The following C4orf50 variants were observed in gnomAD, a reference collection of about 807,000 sequenced individuals.
The protein encoded by C4orf50 is chromosome 4 open reading frame 50, also known as uncharacterized protein C4orf50.
In C4orf50, 80 loss-of-function variants were observed where a neutral mutation model predicts 77.2. The ratio of observed to expected loss-of-function variants is 1.04; its 90% CI spans 0.87 to 1.25. The LOEUF (loss-of-function observed/expected upper bound fraction) is 1.25, where lower values mean the gene tolerates loss of function less well. C4orf50 is among the 50% of genes most tolerant of loss of function. C4orf50 has a pLI of 0.00. For synonymous variants in C4orf50, 532 were observed against 465.3 expected (o/e 1.14, Z -1.84); for missense variants, 1,257 against 1,152.9 (o/e 1.09, Z -1.31).
chr4:5,969,507 AG>A (rs1434672219), intron 31 of C4orf50, among the ~76,000 whole-genome samples: 2 of 151,436 alleles, frequency 1.3e-5, no homozygotes, highest in Non-Finnish European at 2.9e-5. Flanking sequence ...CTTCCTTACT[AG>A]GTCACCTACC....
At chr4:6,004,405 GAGATGTTGGTGA>G (rs1722136821) in intron 25 of C4orf50, among the ~76,000 whole-genome samples, 1 of 44,858 alleles carries the variant, frequency 2.2e-5, no homozygotes, top group African/African-American at 6.8e-5. Flanking sequence ...GATGGTGATG[GAGATGTTGGTGA>G]TGATGGTGAT....
chr4:6,018,279 T>C lies in C4orf50; in HGVS notation c.153A>G (p.Glu51=). The change falls in exon 23 of 34, where the codon GAA becomes GAG. Residue 51 remains glutamate (E), a synonymous_variant. Transcript: ENST00000531445. This position sits in a 1 kb window ranked among gnomAD's most constrained non-coding sequence, Gnocchi z 5.1. ...GGCCAGCTGCTTCTTCCTGAAGACA[T>C]TCCCGCTCCTCAGCACTATCTTCCA... The C allele has an allele frequency of 2.5e-6, 1 of 398,988 alleles. No homozygotes were observed. The highest frequency in any genetic ancestry group is 4.4e-6 in the Non-Finnish European group (1 of 226,068). 24.7% of individuals were successfully genotyped at this position (398,988 alleles called of 1,614,324 possible).
At chr4:6,004,306 GGTGATGATGTGATCGTA>G (rs1722106249) in intron 25 of C4orf50, among the ~76,000 whole-genome samples, 2 of 73,974 alleles carry the variant, frequency 2.7e-5, no homozygotes, top group Admixed American at 1.5e-4. Flanking sequence ...TGGTGATGGT[GGTGATGATGTGATCGTA>G]ATGGTGATGA....
At chr4:5,944,491 G>T (rs79595036) in intron 7 of C4orf50, among the ~76,000 whole-genome samples, 3,371 of 152,256 alleles carry the variant, frequency 0.022, 81 homozygotes, top group African/African-American at 0.063. Flanking sequence ...GAGCGAGGGG[G>T]CAGCCCTCAG....
chr4:5,988,538 C>T (rs573181146), exon 28 of C4orf50: 318 of 1,537,414 alleles, frequency 2.1e-4, no homozygotes, highest in Non-Finnish European at 1.7e-4. Flanking sequence ...CTGGAATTCC[C>T]GGTGCCTGTG....
chr4:6,001,737 C>T (rs897119536), intron 25 of C4orf50, among the ~76,000 whole-genome samples: 5 of 152,228 alleles, frequency 3.3e-5, no homozygotes, highest in Non-Finnish European at 7.3e-5. Flanking sequence ...GCTGGGAATG[C>T]AGCAGAAAAT....
chr4:5,988,426 T>C, exon 28 of C4orf50: 5 of 1,608,480 alleles, frequency 3.1e-6, no homozygotes, highest in Non-Finnish European at 4.2e-6. Flanking sequence ...TTTCTCCAAA[T>C]GTGCTTCTTT....
At chr4:5,990,129 G>C in exon 28 of C4orf50, 2 of 1,270,010 alleles carry the variant, frequency 1.6e-6, no homozygotes, top group Non-Finnish European at 2.0e-6. Context: ...TCAGGGATTC[G>C]GGACCCTCCT....
In C4orf50 at chr4:5,970,336, C is replaced by G. The variant is rs1719837890; in HGVS notation, c.4105-2874G>C. On this transcript the variant is annotated intron_variant, in intron 31 of 33. Coordinates refer to ENST00000531445, the Ensembl canonical transcript of C4orf50. The surrounding 1 kb of genome is among the most constrained non-coding windows in gnomAD (Gnocchi z 4.3). ...CTGAGGGACCATCTCCAGCTAACAT[C>G]AGGGAGGCGGCAAGACCCGTGTTCC... Among the ~76,000 whole-genome samples the G allele has an allele frequency of 6.6e-6, 1 of 152,138 alleles. No individual in the cohort carries two copies.
rs1395902919 is a variant in C4orf50 at position 5,992,948 on chromosome 4, C to T, written c.1094-18G>A. On this transcript the variant is annotated intron_variant, in intron 26 of 33. Transcript: ENST00000531445. The surrounding 1 kb of genome is among the most constrained non-coding windows in gnomAD (Gnocchi z 5.0). The stretch of plus-strand genomic sequence containing the variant: ...GGACTGGCCTGGAAAGCAACAAGAC[C>T]CTGGGGGTTACAAAGATGCTCCCAG... 4 of 398,868 alleles carry T rather than the reference C, an allele frequency of 1.0e-5. No homozygotes were observed. Among genetic ancestry groups the T allele is most frequent in the Non-Finnish European group, 4.4e-6 (1 of 226,080 alleles). The allele number at this position is 398,868 out of a possible 1,614,324, so 24.7% of individuals were successfully genotyped here.
At chr4:6,004,265 GTGGTGA>G (rs1309245274) in intron 25 of C4orf50, among the ~76,000 whole-genome samples, 4 of 33,062 alleles carry the variant, frequency 1.2e-4, no homozygotes, top group Admixed American at 7.3e-4. Flanking sequence ...GATGGTGATG[GTGGTGA>G]TGGTGATGGT....
At position 5,919,022 on chromosome 4, in the gene C4orf50, G is replaced by C. The variant is rs111292003; in HGVS notation, c.*2475-20834C>G. ...AAACTGAGACCCGGAGGAGTCAAAG[G>C]GCTTGCCCAAGTCTCGGTGCTTCTC... is the stretch of plus-strand genomic sequence containing the variant. On this transcript the variant is annotated intron_variant, in intron 7 of 7. Transcript: ENST00000324058. The surrounding 1 kb of genome is among the most constrained non-coding windows in gnomAD (Gnocchi z 6.5). Among the ~76,000 whole-genome samples, 3 of 152,172 alleles carry C rather than the reference G, an allele frequency of 2.0e-5. No homozygotes were observed. Among genetic ancestry groups the C allele is most frequent in the Non-Finnish European group, 2.9e-5 (2 of 68,026 alleles).
intron 31 of C4orf50, among the ~76,000 whole-genome samples, chr4:5,971,127 C>T (rs759814610): frequency 3.3e-5 from 5 of 152,186 alleles, no homozygotes; most frequent in Non-Finnish European, 7.4e-5. Context: ...CAGGACCTGT[C>T]CCTTGCTGCT....
intron 32 of C4orf50, among the ~76,000 whole-genome samples, chr4:5,965,632 A>G (rs1038196679): frequency 7.2e-5 from 11 of 152,222 alleles, no homozygotes; most frequent in African/African-American, 1.9e-4. Context: ...TGACAGAAGC[A>G]GACCAGCTAG....
At chr4:5,961,933 T>C (rs1455114812) in intron 33 of C4orf50, among the ~76,000 whole-genome samples, 1 of 152,160 alleles carries the variant, frequency 6.6e-6, no homozygotes, top group Non-Finnish European at 1.5e-5. Flanking sequence ...ACTAATCCCC[T>C]GGTGTCATTA....
At chr4:5,965,046 G>A in exon 33 of C4orf50, 3 of 1,613,334 alleles carry the variant, frequency 1.9e-6, no homozygotes, top group Non-Finnish European at 2.5e-6. Context: ...CAGTTGGGCT[G>A]TCTGTGCTGG....
intron 25 of C4orf50, among the ~76,000 whole-genome samples, chr4:5,996,638 G>A (rs1407045464): frequency 1.3e-5 from 2 of 152,206 alleles, no homozygotes; most frequent in Non-Finnish European, 2.9e-5. Flanking sequence ...CTCTGGGTTG[G>A]TGGCCTCCTG....
At chr4:5,985,290 G>A (rs937340257) in intron 28 of C4orf50, among the ~76,000 whole-genome samples, 3 of 151,956 alleles carry the variant, frequency 2.0e-5, no homozygotes, top group Non-Finnish European at 4.4e-5. Flanking sequence ...AGAAAGAACA[G>A]AATAAGAACA....
chr4:5,907,560 C>G (rs1179726900), intron 7 of C4orf50, among the ~76,000 whole-genome samples: 2 of 152,088 alleles, frequency 1.3e-5, no homozygotes, highest in Non-Finnish European at 2.9e-5. Flanking sequence ...TACAGGCGAG[C>G]TAAACAGTAG....
Sources: allele counts gnomAD v4.1 joint callset (sites outside exome capture counted in the v4.1 genomes callset), GRCh38; gene constraint gnomAD v4.1.1; non-coding constraint Gnocchi (gnomAD v3.1); transcripts MANE v1.5; gene names NCBI Gene and HGNC (gene_info 2026-07-23, HGNC 2026-07-21).